The following UBE2D1 variants were observed in gnomAD, a reference collection of about 807,000 sequenced individuals.
UBE2D1 encodes the protein ubiquitin-conjugating enzyme E2 D1.
UBE2D1 carries 9 observed loss-of-function variants against 24.6 expected under a neutral mutation model. The ratio of observed to expected loss-of-function variants is 0.37; its 90% CI spans 0.22 to 0.64. The LOEUF (loss-of-function observed/expected upper bound fraction) is 0.64. UBE2D1 is among the 30% of genes least tolerant of loss of function. UBE2D1 has a pLI of 0.64. For missense variants in UBE2D1, 87 were observed against 177.1 expected (o/e 0.49, Z 2.89); for synonymous variants, 57 against 57.6 (o/e 0.99, Z 0.04).
Position 58,335,188 on chromosome 10 carries a change from G to T in UBE2D1, c.-14G>T, listed in dbSNP as rs917635240. ...ACCCCTGCCGGCCGGTGTCCCCACC[G>T]CCATCCCTGACCCATGGCGCTGAAG... On this transcript the variant is annotated 5_prime_UTR_variant, in exon 1 of 7. Coordinates refer to ENST00000373910, the MANE Select transcript of UBE2D1 (RefSeq NM_003338.5). 10 of 1,546,392 alleles carry T rather than the reference G, an allele frequency of 6.5e-6. No individual in the cohort carries two copies. The Admixed American group carries it at 7.7e-5, about 12-fold the overall frequency.
chr10:58,365,203 G>C (rs1007366322), intron 5 of UBE2D1, among the ~76,000 whole-genome samples: 2 of 152,136 alleles, frequency 1.3e-5, no homozygotes, highest in African/African-American at 2.4e-5. Context: ...GGGCACTGTG[G>C]CTCATGCCTG....
intron 5 of UBE2D1, 133 bp downstream of exon 5, chr10:58,365,009 C>A: frequency 1.4e-6 from 1 of 693,482 alleles, no homozygotes. Context: ...GTTTTGCTCT[C>A]TTTGCTCTTA....
chr10:58,352,023 A>C (rs1415466325), intron 1 of UBE2D1, among the ~76,000 whole-genome samples: 1 of 152,106 alleles, frequency 6.6e-6, no homozygotes, highest in Non-Finnish European at 1.5e-5. Flanking sequence ...ATGGATACCT[A>C]ATTGACCCAG....
At chr10:58,367,807 A>G in intron 5 of UBE2D1, 116 bp from the exon 6 acceptor site, 1 of 514,436 alleles carries the variant, frequency 1.9e-6, no homozygotes, top group East Asian at 3.2e-5. Flanking sequence ...TGATGTGTTC[A>G]TTTTATGTTT....
chr10:58,367,919 C>G lies in UBE2D1; in HGVS notation c.305-4C>G, dbSNP rs746316231. 2 of 1,590,762 alleles carry G rather than the reference C, an allele frequency of 1.3e-6. No individual in the cohort carries two copies. ...TCTAATGTGATGTTCTCTTTTAAAT[C>G]TAGTTTTATTGTCCATATGTTCTCT... On this transcript the variant is annotated splice_region_variant and splice_polypyrimidine_tract_variant and intron_variant, in intron 5 of 6. Transcript: ENST00000373910.
chr10:58,350,748 G>A (rs75468513), intron 1 of UBE2D1, among the ~76,000 whole-genome samples: 4 of 152,204 alleles, frequency 2.6e-5, no homozygotes, highest in African/African-American at 7.2e-5. Context: ...ATTGATTTTT[G>A]TATAGTCATG....
At chr10:58,347,636 A>G (rs1275822542) in intron 1 of UBE2D1, among the ~76,000 whole-genome samples, 1 of 124,562 alleles carries the variant, frequency 8.0e-6, no homozygotes, top group African/African-American at 3.3e-5. Context: ...TCTAAATTAC[A>G]CTCTTTTTTT....
intron 1 of UBE2D1, among the ~76,000 whole-genome samples, chr10:58,339,513 A>C (rs1404691603): frequency 6.6e-6 from 1 of 152,150 alleles, no homozygotes; most frequent in Non-Finnish European, 1.5e-5. Flanking sequence ...GGATATCCAT[A>C]CATATGAGGC....
At chr10:58,367,501 T>C (rs1840268743) in intron 5 of UBE2D1, among the ~76,000 whole-genome samples, 1 of 152,146 alleles carries the variant, frequency 6.6e-6, no homozygotes, top group Non-Finnish European at 1.5e-5. Context: ...TTTTACAAAT[T>C]TTTCTTCTTT....
Position 58,370,445 on chromosome 10 carries a change from T to G in UBE2D1, c.*1680T>G, listed in dbSNP as rs930819278. 2 of 152,534 alleles carry G rather than the reference T, an allele frequency of 1.3e-5. No individual in the cohort carries two copies. Among genetic ancestry groups the G allele is most frequent in the African/African-American group, 4.8e-5 (2 of 41,422 alleles). The allele number at this position is 152,534 out of a possible 1,614,324, so 9.4% of individuals were successfully genotyped here. ...GTTTTTATAAATGAATGTAAAATAATTAAATGAATTGTGAAATGGATGTTT... is the reference window on the plus strand; with the variant it reads ...GTTTTTATAAATGAATGTAAAATAAGTAAATGAATTGTGAAATGGATGTTT... On this transcript the variant is annotated 3_prime_UTR_variant, in exon 7 of 7. Coordinates refer to ENST00000373910, the MANE Select transcript of UBE2D1 (RefSeq NM_003338.5).
chr10:58,365,006 T>C, intron 5 of UBE2D1, 130 bp downstream of exon 5: 1 of 700,494 alleles, frequency 1.4e-6, no homozygotes, highest in Non-Finnish European at 2.3e-6. Flanking sequence ...TTTGTTTTGC[T>C]CTCTTTGCTC....
chr10:58,350,488 A>G (rs897375919), intron 1 of UBE2D1, among the ~76,000 whole-genome samples: 8 of 152,200 alleles, frequency 5.3e-5, no homozygotes, highest in Non-Finnish European at 1.2e-4. Flanking sequence ...TATCTTTTAC[A>G]TATTCTGAAT....
At chr10:58,348,132 G>A (rs1016683157) in intron 1 of UBE2D1, among the ~76,000 whole-genome samples, 3 of 152,200 alleles carry the variant, frequency 2.0e-5, no homozygotes, top group Non-Finnish European at 4.4e-5. Flanking sequence ...CCAGTTTGTT[G>A]AAGTGAGTTT....
At position 58,367,302 on chromosome 10, in the gene UBE2D1, A is replaced by AGTGTGT. The variant is rs34565317; in HGVS notation, c.305-606_305-601dup. On this transcript the variant is annotated intron_variant, in intron 5 of 6. Transcript: ENST00000373910. ...TCTTATTTCAGATACTTAGATCGTT[A>AGTGTGT]GTGTGTGTGTGTGTGTGTGTTAGTG... 2.5e-3 allele frequency among the ~76,000 whole-genome samples: 378 copies of AGTGTGT among 149,736 alleles called. 2 individuals carry two copies. Among genetic ancestry groups the AGTGTGT allele is most frequent in the African/African-American group, 8.8e-3 (360 of 40,974 alleles).
chr10:58,349,391 C>A (rs1840049257), intron 1 of UBE2D1, among the ~76,000 whole-genome samples: 2 of 151,954 alleles, frequency 1.3e-5, no homozygotes, highest in Admixed American at 6.6e-5. Flanking sequence ...TTGTTCTAAG[C>A]TTATTTTTGT....
intron 1 of UBE2D1, among the ~76,000 whole-genome samples, chr10:58,342,853 G>A (rs1254413803): frequency 7.6e-6 from 1 of 131,958 alleles, no homozygotes; most frequent in Admixed American, 7.9e-5. Context: ...TTTTTGAGAT[G>A]AAGTTTGCTC....
chr10:58,337,575 T>A (rs1194838308), intron 1 of UBE2D1, among the ~76,000 whole-genome samples: 1 of 152,098 alleles, frequency 6.6e-6, no homozygotes, highest in East Asian at 1.9e-4. Context: ...CCTGTACCTA[T>A]AGATGGTGGC....
chr10:58,369,090 T>C lies in UBE2D1; in HGVS notation c.*325T>C, dbSNP rs1840287100. On this transcript the variant is annotated 3_prime_UTR_variant, in exon 7 of 7. Transcript: ENST00000373910. ...ATTATTTTTTGCTGAAACTAGATGT[T>C]TTTACATGAGAAATACTGTATGTGT... 5.6e-6 allele frequency: 1 copy of C among 179,668 alleles called. No homozygotes were observed. Among genetic ancestry groups the C allele is most frequent in the African/African-American group, 2.3e-5 (1 of 42,578 alleles). 11.1% of individuals were successfully genotyped at this position (179,668 alleles called of 1,614,324 possible).
At chr10:58,359,788 T>C (rs2132328824) in intron 1 of UBE2D1, among the ~76,000 whole-genome samples, 1 of 152,340 alleles carries the variant, frequency 6.6e-6, no homozygotes, top group South Asian at 2.1e-4. Flanking sequence ...GACTAAGACA[T>C]TGAATAAATG....
Sources: allele counts gnomAD v4.1 joint callset (sites outside exome capture counted in the v4.1 genomes callset), GRCh38; gene constraint gnomAD v4.1.1; transcripts MANE v1.5; gene names NCBI Gene and HGNC (gene_info 2026-07-23, HGNC 2026-07-21).